The following PKD1L1 variants were observed in gnomAD, a reference collection of about 807,000 sequenced individuals.
The protein encoded by PKD1L1 is polycystin 1 like 1, transient receptor potential channel interacting.
A neutral mutation model predicts 323.4 loss-of-function variants in PKD1L1; 236 were observed. That is an observed-to-expected ratio of 0.73 (90% confidence interval 0.66 to 0.81). The LOEUF is 0.81. Among genes scored for constraint, PKD1L1 ranks in the 40% least tolerant of loss-of-function variants. PKD1L1 has a pLI of 0.00. For missense variants in PKD1L1, 3,320 were observed against 3,508.0 expected, an observed-to-expected ratio of 0.95 and a Z score of 1.35; for synonymous variants, 1,344 against 1,335.0, an observed-to-expected ratio of 1.01 and a Z score of -0.15.
At chr7:47,776,901 A>AT (rs999235969) in intron 56 of PKD1L1, among the ~76,000 whole-genome samples, 5 of 151,584 alleles carry the variant, frequency 3.3e-5, no homozygotes, top group South Asian at 2.1e-4. Flanking sequence ...TTATTTATTT[A>AT]TTTTTTTTGA....
chr7:47,833,160 C>T lies in PKD1L1; in HGVS notation c.6267G>A (p.Gln2089=). 1.9e-6 allele frequency: 3 copies of T among 1,612,878 alleles called. No homozygotes were observed. The highest frequency in any genetic ancestry group is 2.2e-5 in the South Asian group (2 of 90,584). The part of the protein sequence containing the change: ...NGTACPAPKL[Q]VHGADHSRTS... Reference sequence around the variant, plus strand: ...TCCTGCTGTGGTCAGCCCCATGAACCTGCAGCTTAGGGGCTGGACAAGCTG... The same window carrying T: ...TCCTGCTGTGGTCAGCCCCATGAACTTGCAGCTTAGGGGCTGGACAAGCTG... Residue 2089 remains glutamine, a synonymous_variant, in exon 41 of 57, where the codon CAG becomes CAA. Transcript: ENST00000289672.
chr7:47,802,320 G>A (rs1381630469), intron 53 of PKD1L1, among the ~76,000 whole-genome samples: 5 of 152,114 alleles, frequency 3.3e-5, no homozygotes, highest in Non-Finnish European at 5.9e-5. Flanking sequence ...GGCAAATGTC[G>A]TTAATGCTTT....
chr7:47,787,349 T>C (rs1304214179), intron 56 of PKD1L1, among the ~76,000 whole-genome samples: 2 of 152,208 alleles, frequency 1.3e-5, no homozygotes, highest in Non-Finnish European at 2.9e-5. Flanking sequence ...CATAAAGTGA[T>C]AGTCCAGAAA....
chr7:47,929,390 G>A lies in PKD1L1; in HGVS notation c.874C>T (p.Pro292Ser), dbSNP rs1787719174. Reference protein sequence around the residue: ...LARNSDNFMNPVLNCSLEVEA... With the variant: ...LARNSDNFMNSVLNCSLEVEA... ...ACTTCCAGGGAGCAATTAAGAACAG[G>A]GTTCATGAAGTTATCAGAATTTCGA... Residue 292 changes from proline to serine, a missense_variant, in exon 7 of 57, where the codon CCT becomes TCT. By Grantham distance (74) the Pro-to-Ser change is moderately conservative (BLOSUM62 -1). Transcript: ENST00000289672. The A allele has an allele frequency of 1.2e-6, 2 of 1,614,174 alleles. No individual in the cohort carries two copies. The highest frequency in any genetic ancestry group is 2.2e-5 in the East Asian group (1 of 44,880).
intron 56 of PKD1L1, among the ~76,000 whole-genome samples, chr7:47,776,274 C>T (rs1003711736): frequency 2.0e-5 from 3 of 152,162 alleles, no homozygotes; most frequent in African/African-American, 7.2e-5. Context: ...CTAGTCAAAC[C>T]CATCCGGAAA....
chr7:47,853,621 T>C (rs1785829677), intron 30 of PKD1L1, among the ~76,000 whole-genome samples: 1 of 151,962 alleles, frequency 6.6e-6, no homozygotes, highest in Non-Finnish European at 1.5e-5. Context: ...TGCGCACTTG[T>C]AATCCCAACT....
intron 11 of PKD1L1, 108 bp from the exon 12 acceptor site, chr7:47,904,725 A>C: frequency 1.6e-6 from 2 of 1,283,040 alleles, no homozygotes; most frequent in Non-Finnish European, 2.1e-6. Context: ...GGGGAGGGGG[A>C]GGCAGCATTT....
chr7:47,867,679 T>C (rs1786196067), intron 24 of PKD1L1, among the ~76,000 whole-genome samples: 1 of 152,106 alleles, frequency 6.6e-6, no homozygotes, highest in Non-Finnish European at 1.5e-5. Context: ...ATTCAAAGAA[T>C]GAAAGGAAAC....
At chr7:47,797,317 C>G (rs973796811) in intron 54 of PKD1L1, among the ~76,000 whole-genome samples, 1 of 152,198 alleles carries the variant, frequency 6.6e-6, no homozygotes, top group South Asian at 2.1e-4. Flanking sequence ...TGAGGGAGTT[C>G]CCCCACATGG....
At chr7:47,820,913 G>A (rs1431322543) in intron 46 of PKD1L1, among the ~76,000 whole-genome samples, 163 bp downstream of exon 46, 1 of 152,100 alleles carries the variant, frequency 6.6e-6, no homozygotes, top group Non-Finnish European at 1.5e-5. Context: ...TGCTAAGAAC[G>A]TGTCCAAAGT....
chr7:47,850,811 T>C (rs538928769), intron 31 of PKD1L1, among the ~76,000 whole-genome samples: 1 of 152,110 alleles, frequency 6.6e-6, no homozygotes, highest in Non-Finnish European at 1.5e-5. Context: ...AAGTCAAAAC[T>C]AAACAAAAAA....
chr7:47,855,833 G>A (rs1484916691), intron 28 of PKD1L1, among the ~76,000 whole-genome samples: 4 of 70,150 alleles, frequency 5.7e-5, no homozygotes, highest in East Asian at 6.3e-4. Flanking sequence ...CCGAGATCCC[G>A]CCACTGCACT....
rs1246831641 is a variant in PKD1L1 at position 47,840,267 on chromosome 7, C to G, written c.5552+194G>C. Among the ~76,000 whole-genome samples the G allele has an allele frequency of 6.6e-6, 1 of 152,110 alleles. No individual in the cohort carries two copies. The highest frequency in any genetic ancestry group is 1.5e-5 in the Non-Finnish European group (1 of 68,004). ...TTCCCCACCCTCCTTCCTTCCTTGC[C>G]TCGCATAAACCTATTGTTTAATCTA... On this transcript the variant is annotated intron_variant, in intron 35 of 56. Transcript: ENST00000289672. The surrounding 1 kb of genome is among the most constrained non-coding windows in gnomAD (Gnocchi z 4.1).
rs2348663 is a variant in PKD1L1 at position 47,905,208 on chromosome 7, G to A, written c.1640C>T (p.Pro547Leu). The change falls in exon 11 of 57, where the codon CCA becomes CTA. Residue 547 changes from proline (P) to leucine (L), a missense_variant. Transcript: ENST00000289672. ...AATGCTTCTTGAAGTTGTCCTCACT[G>A]GTGGATCCTCTCCAAAATACCACTC... Reference protein sequence around the residue: ...EFEWYFGEDPPVRTTSRSIKK... With the variant: ...EFEWYFGEDPLVRTTSRSIKK... The A allele has an allele frequency of 6.2e-7, 1 of 1,614,100 alleles. No individual in the cohort carries two copies. The highest frequency in any genetic ancestry group is 8.5e-7 in the Non-Finnish European group (1 of 1,180,024).
chr7:47,922,110 T>TGCC (rs996977324), intron 7 of PKD1L1, among the ~76,000 whole-genome samples: 27 of 152,352 alleles, frequency 1.8e-4, no homozygotes, highest in African/African-American at 6.3e-4. Context: ...GACGGGGTTT[T>TGCC]GCCGTGTTGG....
At chr7:47,787,215 G>A (rs1452408813) in intron 56 of PKD1L1, among the ~76,000 whole-genome samples, 1 of 152,094 alleles carries the variant, frequency 6.6e-6, no homozygotes, top group Non-Finnish European at 1.5e-5. Context: ...TCCCAGGGAG[G>A]CCAGCTAAAC....
At chr7:47,959,815 C>T in the PKD1L1 span, among the ~76,000 whole-genome samples, 1 of 150,886 alleles carries the variant, frequency 6.6e-6, no homozygotes, top group Non-Finnish European at 1.5e-5. Context: ...CCCGGCCGCC[C>T]CTACTGGGAA....
chr7:47,804,456 T>G (rs1784732259), intron 52 of PKD1L1, among the ~76,000 whole-genome samples: 1 of 147,868 alleles, frequency 6.8e-6, no homozygotes, highest in Non-Finnish European at 1.5e-5. Context: ...TATTGAGATA[T>G]TTTACATTTT....
intron 50 of PKD1L1, among the ~76,000 whole-genome samples, chr7:47,810,120 T>A (rs112750487): frequency 2.0e-4 from 31 of 152,290 alleles, no homozygotes; most frequent in African/African-American, 7.5e-4. Flanking sequence ...CAAATTTAGT[T>A]ATGGATTTGC....
Sources: allele counts gnomAD v4.1 joint callset (sites outside exome capture counted in the v4.1 genomes callset), GRCh38; gene constraint gnomAD v4.1.1; non-coding constraint Gnocchi (gnomAD v3.1); transcripts MANE v1.5; gene names NCBI Gene and HGNC (gene_info 2026-07-23, HGNC 2026-07-21).